Variants in DLC1 observed in about 807,000 individuals in gnomAD.
DLC1 encodes rho GTPase-activating protein 7.
DLC1 carries 54 observed loss-of-function variants against 140.3 expected under a neutral mutation model. The ratio of observed to expected loss-of-function variants is 0.38; its 90% CI spans 0.31 to 0.48. The LOEUF is 0.48. DLC1 is among the 20% of genes least tolerant of loss of function. The pLI, the probability that DLC1 is intolerant of heterozygous loss-of-function variation, is 0.96. For synonymous variants in DLC1, 986 were observed against 728.1 expected, an observed-to-expected ratio of 1.35 and a Z score of -5.70; for missense variants, 2,536 against 1,907.0, an observed-to-expected ratio of 1.33 and a Z score of -6.14.
chr8:13,181,537 C>T (rs113357918), intron 5 of DLC1, among the ~76,000 whole-genome samples: 10 of 144,294 alleles, frequency 6.9e-5, no homozygotes, highest in African/African-American at 2.5e-4. Flanking sequence ...CACCTTGTGT[C>T]TAAGTGATCT....
At position 13,468,323 on chromosome 8, in the gene DLC1, CTTT is replaced by C. The variant is rs534365364; in HGVS notation, c.1023+30723_1023+30725del. Among the ~76,000 whole-genome samples, 401 of 116,136 alleles carry C rather than the reference CTTT, an allele frequency of 3.5e-3. 2 individuals carry two copies. Among genetic ancestry groups the C allele is most frequent in the African/African-American group, 0.011 (384 of 33,736 alleles). The allele number at this position is 116,136 out of a possible 152,430, so 76.2% of individuals were successfully genotyped here. A position where few individuals can be genotyped will look rare whatever the true frequency, so the allele number is the denominator to read the frequency against. ...TTCTTTTTTCCTTTCTTTTCTCTCT[CTTT>C]CCCTTCCCCCCATTCCCCTCCCCTC... is the stretch of plus-strand genomic sequence containing the variant. On this transcript the variant is annotated intron_variant, in intron 2 of 17. Coordinates refer to ENST00000276297, the MANE Select transcript of DLC1 (RefSeq NM_182643.3).
At chr8:13,530,806 C>T (rs1328940442) in intron 1 of DLC1, among the ~76,000 whole-genome samples, 9 of 152,198 alleles carry the variant, frequency 5.9e-5, no homozygotes, top group Admixed American at 3.3e-4. Context: ...CAAACTATTA[C>T]AGCATTTCAT....
chr8:13,405,681 T>G (rs1837497608), intron 2 of DLC1, among the ~76,000 whole-genome samples: 1 of 152,198 alleles, frequency 6.6e-6, no homozygotes, highest in African/African-American at 2.4e-5. Context: ...CCTCAACTTC[T>G]GCATCCTGGT....
chr8:13,140,150 C>T (rs1563673678), intron 5 of DLC1, among the ~76,000 whole-genome samples: 1 of 152,176 alleles, frequency 6.6e-6, no homozygotes, highest in Non-Finnish European at 1.5e-5. Flanking sequence ...AATCATACAA[C>T]AGTTGCCCCT....
At chr8:13,339,243 T>TA (rs1343940750) in intron 4 of DLC1, among the ~76,000 whole-genome samples, 4 of 152,210 alleles carry the variant, frequency 2.6e-5, no homozygotes, top group Non-Finnish European at 5.9e-5. Flanking sequence ...ATGCAAGTGA[T>TA]AGAATAATTG....
chr8:13,419,453 C>G (rs1838212915), intron 2 of DLC1, among the ~76,000 whole-genome samples: 1 of 152,172 alleles, frequency 6.6e-6, no homozygotes, highest in Admixed American at 6.5e-5. Context: ...AAGGCCTTTT[C>G]TGCATATGTT....
intron 2 of DLC1, among the ~76,000 whole-genome samples, chr8:13,496,786 CTTTTTTTTTTTTTTTTTT>C (rs869192950): frequency 2.7e-3 from 63 of 23,508 alleles, no homozygotes; most frequent in African/African-American, 7.5e-3. Flanking sequence ...AGACCATTTC[CTTTTTTTTTTTTTTTTTT>C]TTTTTTTTTT....
At chr8:13,429,694 C>T (rs752805236) in intron 2 of DLC1, among the ~76,000 whole-genome samples, 2 of 152,132 alleles carry the variant, frequency 1.3e-5, no homozygotes, top group Non-Finnish European at 2.9e-5. Flanking sequence ...TGGCAGCAAC[C>T]TTGCATTTCT....
At chr8:13,211,432 A>T (rs972223836) in intron 5 of DLC1, among the ~76,000 whole-genome samples, 2 of 152,098 alleles carry the variant, frequency 1.3e-5, no homozygotes, top group African/African-American at 4.8e-5. Flanking sequence ...GCTCTAATGA[A>T]CTTGCTTTCT....
intron 5 of DLC1, among the ~76,000 whole-genome samples, chr8:13,242,575 G>A (rs1301274388): frequency 4.6e-5 from 7 of 151,708 alleles, no homozygotes; most frequent in Admixed American, 6.6e-5. Context: ...TTAATTTTTT[G>A]TACAGACAGA....
At chr8:13,233,252 G>T (rs1008430918) in intron 5 of DLC1, among the ~76,000 whole-genome samples, 3 of 120,304 alleles carry the variant, frequency 2.5e-5, no homozygotes, top group African/African-American at 9.7e-5. Context: ...CTGAGATCAT[G>T]CCACTACACT....
intron 5 of DLC1, among the ~76,000 whole-genome samples, chr8:13,200,325 G>T (rs1827311594): frequency 6.6e-6 from 1 of 152,024 alleles, no homozygotes; most frequent in Non-Finnish European, 1.5e-5. Flanking sequence ...GCCTCCCAAA[G>T]TGCTGGGATT....
chr8:13,496,196 A>C (rs1299050790), intron 2 of DLC1, among the ~76,000 whole-genome samples: 1 of 152,206 alleles, frequency 6.6e-6, no homozygotes, highest in African/African-American at 2.4e-5. Flanking sequence ...AACCAGTTGC[A>C]CTAGTATTAG....
chr8:13,311,598 G>C (rs939731446), intron 4 of DLC1, among the ~76,000 whole-genome samples: 2 of 152,160 alleles, frequency 1.3e-5, no homozygotes, highest in African/African-American at 4.8e-5. Context: ...GCAATATTGA[G>C]ATTTATTCCC....
At chr8:13,109,487 G>A (rs146216766) in intron 7 of DLC1, among the ~76,000 whole-genome samples, 1,917 of 152,156 alleles carry the variant, frequency 0.013, 46 homozygotes, top group African/African-American at 0.044. Flanking sequence ...TAGCTGGGAG[G>A]TCAAGGCTGC....
chr8:13,169,801 G>A (rs904796006), intron 5 of DLC1, among the ~76,000 whole-genome samples: 3 of 151,930 alleles, frequency 2.0e-5, no homozygotes, highest in East Asian at 1.9e-4. Flanking sequence ...AGGTGGGGGG[G>A]TTGTTTAAGG....
At chr8:13,204,607 A>T (rs1361076828) in intron 5 of DLC1, among the ~76,000 whole-genome samples, 2 of 152,218 alleles carry the variant, frequency 1.3e-5, no homozygotes, top group Non-Finnish European at 2.9e-5. Context: ...TATTTTATTG[A>T]GCTAAAGTCA....
In DLC1 at chr8:13,086,416, G is replaced by C. The variant is rs1338498385; in HGVS notation, c.4340C>G (p.Thr1447Ser). Residue 1447 changes from threonine to serine, a missense_variant, in exon 17 of 18, where the codon ACC (threonine) becomes AGC (serine). Thr to Ser is a moderately conservative substitution (Grantham distance 58, BLOSUM62 1). Coordinates refer to ENST00000276297, the MANE Select transcript of DLC1 (RefSeq NM_182643.3). The stretch of plus-strand genomic sequence containing the variant: ...AGGTGCGCGATCGTGATCCACAGAG[G>C]TTAGTAAAAGGGCACAGGCTCCTTT... ...LPKGACALLL[T>S]SVDHDRAPVV... 1 of 1,614,232 alleles carries C rather than the reference G, an allele frequency of 6.2e-7. No individual in the cohort carries two copies. The highest frequency in any genetic ancestry group is 1.7e-5 in the Admixed American group (1 of 60,026).
intron 2 of DLC1, among the ~76,000 whole-genome samples, chr8:13,420,449 G>T (rs1453030267): frequency 6.6e-6 from 1 of 152,092 alleles, no homozygotes; most frequent in Non-Finnish European, 1.5e-5. Flanking sequence ...TTGCAGGTTT[G>T]TTACATAGGT....
Sources: allele counts gnomAD v4.1 joint callset (sites outside exome capture counted in the v4.1 genomes callset), GRCh38; gene constraint gnomAD v4.1.1; transcripts MANE v1.5; gene names NCBI Gene and HGNC (gene_info 2026-07-23, HGNC 2026-07-21).